LMNB1: variants seen among roughly 807,000 people sequenced by gnomAD.
LMNB1 encodes the protein lamin-B1.
In LMNB1, 23 loss-of-function variants were observed where a neutral mutation model predicts 67.1. That is an observed-to-expected ratio of 0.34 (90% CI 0.25 to 0.49). The LOEUF is 0.49. LMNB1 is among the 20% of genes least tolerant of loss of function. The probability of loss-of-function intolerance (pLI) is 0.99; values close to 1 mark genes in which losing one functional copy is unlikely to be tolerated. For missense variants in LMNB1, 634 were observed against 746.5 expected (o/e 0.85, Z 1.76); for synonymous variants, 281 against 282.9 (o/e 0.99, Z 0.07).
chr5:126,795,203 C>T (rs114814160), intron 1 of LMNB1, among the ~76,000 whole-genome samples: 1,621 of 147,508 alleles, frequency 0.011, 32 homozygotes, highest in African/African-American at 0.038. Flanking sequence ...CGTGGCATGA[C>T]CACAGCTCAC....
rs1332279703 is a variant in LMNB1, at chr5:126,788,784, T to C, written c.359+10917T>C. ...GACTGAGAGGAGAGCCTTTGGTTAA[T>C]AGAGGAAACCACTGGCCATAATTAA... On this transcript the variant is annotated intron_variant, in intron 1 of 10. Transcript: ENST00000261366. Among the ~76,000 whole-genome samples, 3 of 152,034 alleles carry C rather than the reference T, an allele frequency of 2.0e-5. No individual in the cohort carries two copies. In the South Asian group the frequency reaches 6.2e-4, roughly 31 times the overall value.
At chr5:126,817,443 G>A (rs1363004925) in intron 5 of LMNB1, among the ~76,000 whole-genome samples, 1 of 151,952 alleles carries the variant, frequency 6.6e-6, no homozygotes, top group East Asian at 1.9e-4. Flanking sequence ...GATAAAAGTG[G>A]GTAACATTTT....
intron 1 of LMNB1, among the ~76,000 whole-genome samples, chr5:126,796,172 G>A (rs144132990): frequency 3.6e-4 from 54 of 152,004 alleles, no homozygotes; most frequent in African/African-American, 1.3e-3. Flanking sequence ...CAGGTGATCC[G>A]CCAGCCTTAG....
Position 126,811,883 on chromosome 5 carries a change from T to C in LMNB1, c.924T>C (p.Ser308=). The C allele has an allele frequency of 1.2e-6, 2 of 1,612,224 alleles. No homozygotes were observed. Among genetic ancestry groups the C allele is most frequent in the East Asian group, 2.2e-5 (1 of 44,856 alleles). ...TTGAGAGCCTTTCATCCCAGCTTTC[T>C]AATCTACAGAAAGAGGTAAATAATC... ...MRIESLSSQL[S]NLQKESRACL... is the part of the protein sequence containing the mutation. Residue 308 remains serine (S), a synonymous_variant, in exon 5 of 11, where the codon TCT becomes TCC. Transcript: ENST00000261366.
intron 6 of LMNB1, among the ~76,000 whole-genome samples, chr5:126,819,560 G>A (rs546494704): frequency 9.9e-5 from 15 of 151,510 alleles, no homozygotes; most frequent in Non-Finnish European, 1.9e-4. Context: ...TGTGATTCTC[G>A]GCTCACTGCA....
chr5:126,778,502 G>A (rs1750539244), intron 1 of LMNB1, among the ~76,000 whole-genome samples: 2 of 152,220 alleles, frequency 1.3e-5, no homozygotes, highest in Non-Finnish European at 2.9e-5. Flanking sequence ...GGGAGAGAGA[G>A]GCGGAGCTTG....
chr5:126,802,692 C>T (rs1333094458), intron 1 of LMNB1, among the ~76,000 whole-genome samples: 2 of 152,092 alleles, frequency 1.3e-5, no homozygotes, highest in African/African-American at 2.4e-5. Flanking sequence ...CCACTTGCCT[C>T]GGCCTCCCAA....
intron 6 of LMNB1, 78 bp from the exon 7 acceptor site, chr5:126,820,832 T>C (rs1441030421): frequency 2.0e-5 from 22 of 1,117,130 alleles, no homozygotes; most frequent in Non-Finnish European, 2.8e-5. Context: ...CCAGCCCTTG[T>C]TTTTTTGTTT....
At chr5:126,780,310 G>A (rs1329722411) in intron 1 of LMNB1, among the ~76,000 whole-genome samples, 1 of 152,180 alleles carries the variant, frequency 6.6e-6, no homozygotes, top group Non-Finnish European at 1.5e-5. Flanking sequence ...GAGTGTAGTG[G>A]GGGAGCTATA....
At chr5:126,821,688 T>A (rs1751871542) in intron 7 of LMNB1, among the ~76,000 whole-genome samples, 1 of 152,156 alleles carries the variant, frequency 6.6e-6, no homozygotes, top group Non-Finnish European at 1.5e-5. Context: ...ATTTCTGAAA[T>A]TTAGGGCTGG....
rs1253683354 is a variant in LMNB1 at position 126,804,861 on chromosome 5, C to G, written c.445C>G (p.Leu149Val). The change falls in exon 2 of 11, where the codon CTT becomes GTT. Residue 149 changes from leucine (L) to valine (V), a missense_variant. Leu to Val is a conservative substitution (Grantham distance 32, BLOSUM62 1). Transcript: ENST00000261366. ...AGCACTGAATTCGAAAGATGCAGCT[C>G]TTGCTACTGCACTTGGTGACAAAAA... ...EAALNSKDAALATALGDKKSL... is the reference protein window; with the variant it reads ...EAALNSKDAAVATALGDKKSL... 1 of 1,614,020 alleles carries G rather than the reference C, an allele frequency of 6.2e-7. No individual in the cohort carries two copies. Among genetic ancestry groups the G allele is most frequent in the South Asian group, 1.1e-5 (1 of 91,088 alleles).
chr5:126,830,128 TCTGTGGTATAAATA>T (rs1752099182), intron 9 of LMNB1, among the ~76,000 whole-genome samples: 1 of 152,230 alleles, frequency 6.6e-6, no homozygotes, highest in Admixed American at 6.5e-5. Flanking sequence ...TTTGCTAATT[TCTGTGGTATAAATA>T]CTCCTACTGT....
intron 6 of LMNB1, among the ~76,000 whole-genome samples, chr5:126,819,999 G>A (rs1751820702): frequency 6.6e-6 from 1 of 152,024 alleles, no homozygotes; most frequent in African/African-American, 2.4e-5. Flanking sequence ...ACAAAAATTA[G>A]CTGGGCATGG....
chr5:126,799,930 A>C (rs1033665263), intron 1 of LMNB1, among the ~76,000 whole-genome samples: 1 of 152,224 alleles, frequency 6.6e-6, no homozygotes, highest in African/African-American at 2.4e-5. Flanking sequence ...TGCCTGGTAC[A>C]ATGCCTGCTG....
intron 1 of LMNB1, among the ~76,000 whole-genome samples, chr5:126,778,223 C>A (rs926536947): frequency 1.3e-5 from 2 of 151,914 alleles, no homozygotes; most frequent in African/African-American, 4.8e-5. Context: ...GCCCCAGGTG[C>A]GGGGAGCTGG....
chr5:126,818,755 A>G (rs185926257), intron 5 of LMNB1, among the ~76,000 whole-genome samples, 167 bp from the exon 6 acceptor site: 1 of 152,236 alleles, frequency 6.6e-6, no homozygotes, highest in East Asian at 1.9e-4. Context: ...TGTGTTTTGT[A>G]TTTGAGGAAT....
intron 1 of LMNB1, among the ~76,000 whole-genome samples, chr5:126,780,948 A>C (rs73333442): frequency 6.6e-6 from 1 of 152,052 alleles, no homozygotes. Context: ...TCTTCCCTAG[A>C]GTTCTCTTTG....
At chr5:126,776,648 C>A (rs995349264), upstream of LMNB1, 1 of 152,264 alleles carries the variant, frequency 6.6e-6, no homozygotes, top group African/African-American at 2.4e-5. Context: ...GTTACCACGC[C>A]CGCGGTGGCC....
At chr5:126,820,762 G>A in intron 6 of LMNB1, 148 bp from the exon 7 acceptor site, 2 of 618,862 alleles carry the variant, frequency 3.2e-6, no homozygotes, top group Non-Finnish European at 5.7e-6. Flanking sequence ...CTGACCTCAA[G>A]CAATCCACCT....
Sources: gnomAD v4.1 joint callset for allele counts (sites outside exome capture counted in the v4.1 genomes callset) on GRCh38, gnomAD v4.1.1 for gene constraint, MANE v1.5 for transcripts, NCBI Gene and HGNC (gene_info 2026-07-23, HGNC 2026-07-21) for gene names.